SHCBP1L: variants seen among roughly 807,000 people sequenced by gnomAD.
The protein encoded by SHCBP1L is testicular spindle-associated protein SHCBP1L.
A neutral mutation model predicts 62.5 loss-of-function variants in SHCBP1L; 67 were observed. The ratio of observed to expected loss-of-function variants is 1.07; its 90% CI spans 0.88 to 1.31. The LOEUF (loss-of-function observed/expected upper bound fraction) is 1.31, where lower values mean the gene tolerates loss of function less well. Ranked by LOEUF, SHCBP1L falls within the 40% of genes most tolerant of loss-of-function variation. The pLI is 0.00. For synonymous variants in SHCBP1L, 284 were observed against 289.4 expected (o/e 0.98, Z 0.19); for missense variants, 823 against 809.8 (o/e 1.02, Z -0.20).
intron 2 of SHCBP1L, among the ~76,000 whole-genome samples, chr1:182,943,871 G>A (rs527665652): frequency 2.0e-5 from 3 of 152,056 alleles, no homozygotes; most frequent in Admixed American, 6.5e-5. Flanking sequence ...TGTAATCCCA[G>A]CACTTGGGGA....
At chr1:182,937,993 G>A (rs1053901113) in intron 5 of SHCBP1L, among the ~76,000 whole-genome samples, 2 of 152,188 alleles carry the variant, frequency 1.3e-5, no homozygotes, top group African/African-American at 4.8e-5. Flanking sequence ...CCTTTAGTGT[G>A]AGGTTTTATA....
chr1:182,916,141 A>T (rs1038354384), intron 6 of SHCBP1L, among the ~76,000 whole-genome samples: 2 of 152,158 alleles, frequency 1.3e-5, no homozygotes, highest in Non-Finnish European at 2.9e-5. Context: ...TGGCTCAAAG[A>T]TGAAACAAAA....
At chr1:182,924,917 A>G (rs1256743310) in intron 6 of SHCBP1L, among the ~76,000 whole-genome samples, 1 of 95,316 alleles carries the variant, frequency 1.0e-5, no homozygotes, top group African/African-American at 5.2e-5. Context: ...AAGAAAGGAA[A>G]GGAAGGAAGG....
intron 6 of SHCBP1L, among the ~76,000 whole-genome samples, chr1:182,915,152 ACT>A (rs1423689683): frequency 8.4e-6 from 1 of 118,592 alleles, no homozygotes; most frequent in Non-Finnish European, 1.6e-5. Flanking sequence ...ACAGAGGCAG[ACT>A]CTGTCTCAAA....
intron 5 of SHCBP1L, among the ~76,000 whole-genome samples, chr1:182,932,646 C>G (rs1408470112): frequency 6.6e-6 from 1 of 151,798 alleles, no homozygotes; most frequent in Non-Finnish European, 1.5e-5. Flanking sequence ...TGGCCTGCAC[C>G]ACCATGCCTT....
intron 2 of SHCBP1L, among the ~76,000 whole-genome samples, chr1:182,941,574 C>A (rs147967359): frequency 1.3e-5 from 2 of 152,074 alleles, no homozygotes; most frequent in African/African-American, 4.8e-5. Context: ...AAATTTGTAA[C>A]CTTTCACAGC....
chr1:182,952,825 C>G lies in SHCBP1L; in HGVS notation c.309G>C (p.Ala103=). ...ACACGCAGACTGGGGGCAGGGGCTG[C>G]GCCTCCTCTTCATCCTCAGGCACTG... is the stretch of plus-strand genomic sequence containing the variant. ...LLPVPEDEEE[A]QPLPPVCVSR... is the part of the protein sequence containing the mutation. Residue 103 remains alanine (A), a synonymous_variant, in exon 1 of 10, where the codon GCG becomes GCC. Transcript: ENST00000367547. 2.5e-6 allele frequency: 4 copies of G among 1,612,240 alleles called. No homozygotes were observed. Among genetic ancestry groups the G allele is most frequent in the Non-Finnish European group, 3.4e-6 (4 of 1,179,440 alleles).
chr1:182,926,004 A>T (rs1408282423), intron 6 of SHCBP1L, among the ~76,000 whole-genome samples: 3 of 152,204 alleles, frequency 2.0e-5, no homozygotes, highest in Non-Finnish European at 4.4e-5. Flanking sequence ...ATCCAGAATC[A>T]TAAATCTACA....
Position 182,945,661 on chromosome 1 carries a change from C to G in SHCBP1L, c.556-5118G>C, listed in dbSNP as rs192407694. ...TATTTGAAAATGTATTTTTTCTACA[C>G]TTGACTTATAGTGTGCCTAGGTATA... On this transcript the variant is annotated intron_variant, in intron 2 of 9. Transcript: ENST00000367547. Among the ~76,000 whole-genome samples, 54 of 152,310 alleles carry G rather than the reference C, an allele frequency of 3.5e-4. No homozygotes were observed. The Middle Eastern group carries it at 0.01, about 29-fold the overall frequency.
At chr1:182,936,287 C>T (rs189216524) in intron 5 of SHCBP1L, among the ~76,000 whole-genome samples, 16 of 151,764 alleles carry the variant, frequency 1.1e-4, no homozygotes, top group African/African-American at 2.2e-4. Flanking sequence ...AGGCATGCAC[C>T]GCCACAACTG....
intron 6 of SHCBP1L, among the ~76,000 whole-genome samples, chr1:182,929,184 T>A (rs1650879371): frequency 6.6e-6 from 1 of 152,210 alleles, no homozygotes; most frequent in South Asian, 2.1e-4. Context: ...GCTGAGTTAT[T>A]TCTTCTATTC....
At chr1:182,923,102 C>T (rs1017747331) in intron 6 of SHCBP1L, among the ~76,000 whole-genome samples, 4 of 152,148 alleles carry the variant, frequency 2.6e-5, no homozygotes, top group African/African-American at 2.4e-5. Context: ...ATTACAAACA[C>T]CTCTATGCAC....
rs113643489 is a variant in SHCBP1L at position 182,953,125 on chromosome 1, C to G, written c.9G>C (p.Ser3=). The stretch of plus-strand genomic sequence containing the variant: ...CCGCGGGCACCGAGGCCTTGGAGCC[C>G]GACGCCATCTCCTCAGCAGCCCGAG... The part of the protein sequence containing the change: MA[S]GSKASVPADS... Residue 3 remains serine, a synonymous_variant, in exon 1 of 10, where the codon TCG becomes TCC. Transcript: ENST00000367547. 2.5e-5 allele frequency: 40 copies of G among 1,579,992 alleles called. No homozygotes were observed. Among genetic ancestry groups the G allele is most frequent in the African/African-American group, 1.5e-4 (11 of 74,476 alleles).
intron 6 of SHCBP1L, among the ~76,000 whole-genome samples, chr1:182,926,072 G>T (rs1019001837): frequency 2.0e-4 from 31 of 152,120 alleles, no homozygotes; most frequent in African/African-American, 7.5e-4. Flanking sequence ...GAGGTATGGG[G>T]TTCTGGTTTT....
In SHCBP1L at chr1:182,924,970, GAAAGAAA is replaced by G. The variant is rs1276316234; in HGVS notation, c.1182+4670_1182+4676del. ...AGAAAGAAAGAAAGAAAGAAAGAAA[GAAAGAAA>G]AAAAAAGGAAGAAGGAAAGGAAGGA... is the stretch of plus-strand genomic sequence containing the variant. On this transcript the variant is annotated intron_variant, in intron 6 of 9. Coordinates refer to ENST00000367547, the MANE Select transcript of SHCBP1L (RefSeq NM_030933.4). Among the ~76,000 whole-genome samples, 424 of 115,398 alleles carry G rather than the reference GAAAGAAA, an allele frequency of 3.7e-3. 8 individuals carry two copies. Among genetic ancestry groups the G allele is most frequent in the African/African-American group, 0.014 (396 of 27,860 alleles). 75.7% of individuals were successfully genotyped at this position (115,398 alleles called of 152,430 possible). A position where few individuals can be genotyped will look rare whatever the true frequency, so the allele number is the denominator to read the frequency against.
intron 7 of SHCBP1L, 72 bp from the exon 8 acceptor site, chr1:182,904,502 A>G: frequency 6.5e-7 from 1 of 1,529,846 alleles, no homozygotes; most frequent in Non-Finnish European, 8.9e-7. Context: ...TCATTCAACA[A>G]TACTGCTGTT....
At position 182,905,612 on chromosome 1, in the gene SHCBP1L, T is replaced by C. The variant is rs764660226; in HGVS notation, c.1220A>G (p.His407Arg). The change falls in exon 7 of 10, where the codon CAT (histidine) becomes CGT (arginine). Residue 407 changes from histidine to arginine, a missense_variant. By Grantham distance (29) the His-to-Arg change is conservative. Transcript: ENST00000367547. Reference sequence around the variant, plus strand: ...ATCCAAAGCCAAATCCAAATCACCATGCTGTTGGAGAAGTGTGTCTGAAGA... The same window carrying C: ...ATCCAAAGCCAAATCCAAATCACCACGCTGTTGGAGAAGTGTGTCTGAAGA... ...DLSSDTLLQQHGDLDLALDNC... is the reference protein window; with the variant it reads ...DLSSDTLLQQRGDLDLALDNC... 5.6e-6 allele frequency: 9 copies of C among 1,613,732 alleles called. No individual in the cohort carries two copies. Among genetic ancestry groups the C allele is most frequent in the Non-Finnish European group, 7.6e-6 (9 of 1,179,824 alleles).
chr1:182,920,630 G>A (rs1251288350), intron 6 of SHCBP1L, among the ~76,000 whole-genome samples: 7 of 152,112 alleles, frequency 4.6e-5, no homozygotes, highest in Non-Finnish European at 1.0e-4. Context: ...AGATTTAGGA[G>A]AAAGTTGAAA....
chr1:182,913,834 A>T (rs1650268107), intron 6 of SHCBP1L, among the ~76,000 whole-genome samples: 1 of 152,186 alleles, frequency 6.6e-6, no homozygotes, highest in African/African-American at 2.4e-5. Context: ...TACAAAAATT[A>T]ACCAGATGTG....
Sources: allele counts gnomAD v4.1 joint callset (sites outside exome capture counted in the v4.1 genomes callset), GRCh38; gene constraint gnomAD v4.1.1; transcripts MANE v1.5; gene names NCBI Gene and HGNC (gene_info 2026-07-23, HGNC 2026-07-21).